EXOC2: variants seen among roughly 807,000 people sequenced by gnomAD.
EXOC2 encodes SEC5-like 1.
A neutral mutation model predicts 131.8 loss-of-function variants in EXOC2; 70 were observed. The ratio of observed to expected loss-of-function variants is 0.53; its 90% CI spans 0.44 to 0.65. The LOEUF is 0.65. EXOC2 is among the 30% of genes least tolerant of loss of function. The pLI, the probability that EXOC2 is intolerant of heterozygous loss-of-function variation, is 0.00. For missense variants in EXOC2, 923 were observed against 1,108.6 expected, an observed-to-expected ratio of 0.83 and a Z score of 2.38; for synonymous variants, 411 against 398.4, an observed-to-expected ratio of 1.03 and a Z score of -0.38.
intron 24 of EXOC2, among the ~76,000 whole-genome samples, chr6:499,341 T>C (rs1763907390): frequency 6.6e-6 from 1 of 152,106 alleles, no homozygotes; most frequent in African/African-American, 2.4e-5. Context: ...ATAAACATCC[T>C]TGCAATCTAT....
intron 22 of EXOC2, among the ~76,000 whole-genome samples, chr6:537,440 C>T (rs544965986): frequency 2.0e-4 from 30 of 150,290 alleles, no homozygotes; most frequent in African/African-American, 5.2e-4. Flanking sequence ...TGACGGCCGA[C>T]GGAGCGTACA....
At chr6:495,286 C>T (rs561739965) in intron 25 of EXOC2, among the ~76,000 whole-genome samples, 13 of 151,746 alleles carry the variant, frequency 8.6e-5, no homozygotes, top group Middle Eastern at 3.4e-3. Context: ...CCACCGCGCC[C>T]GGCTAATTTT....
At chr6:508,438 C>T (rs543505179) in intron 23 of EXOC2, among the ~76,000 whole-genome samples, 1 of 152,206 alleles carries the variant, frequency 6.6e-6, no homozygotes, top group South Asian at 2.1e-4. Flanking sequence ...CCCTAAAACT[C>T]CTCTGTGCTC....
intron 18 of EXOC2, 133 bp downstream of exon 18, chr6:556,351 C>T (rs1016792779): frequency 1.9e-5 from 17 of 915,396 alleles, no homozygotes; most frequent in South Asian, 4.8e-5. Context: ...AGCACATCTA[C>T]GCAGTTAAAC....
intron 8 of EXOC2, 27 bp downstream of exon 8, chr6:599,053 A>G: frequency 3.8e-6 from 6 of 1,588,314 alleles, no homozygotes; most frequent in South Asian, 1.2e-5. Context: ...CTACAACCAT[A>G]TGTAAATAAA....
At chr6:591,579 C>G (rs1274932330) in intron 11 of EXOC2, among the ~76,000 whole-genome samples, 1 of 152,088 alleles carries the variant, frequency 6.6e-6, no homozygotes, top group East Asian at 1.9e-4. Context: ...GAGGCTACTC[C>G]TAAGCACTCC....
At chr6:676,185 G>A (rs1764120039) in intron 1 of EXOC2, among the ~76,000 whole-genome samples, 1 of 68,858 alleles carries the variant, frequency 1.5e-5, no homozygotes, top group African/African-American at 4.5e-5. Flanking sequence ...TTCCTCTGGA[G>A]ACTGCGGTTC....
intron 1 of EXOC2, among the ~76,000 whole-genome samples, chr6:673,130 C>T (rs184504360): frequency 5.3e-5 from 8 of 151,526 alleles, no homozygotes; most frequent in Non-Finnish European, 1.0e-4. Flanking sequence ...GGCGTGGTGG[C>T]GGGCACCTGG....
At chr6:565,167 A>G (rs1757907623) in intron 13 of EXOC2, among the ~76,000 whole-genome samples, 1 of 152,246 alleles carries the variant, frequency 6.6e-6, no homozygotes. Context: ...AATGAATCCA[A>G]GAATTAAGTT....
At chr6:553,784 T>A in intron 21 of EXOC2, 70 bp downstream of exon 21, 1 of 1,250,594 alleles carries the variant, frequency 8.0e-7, no homozygotes, top group Non-Finnish European at 1.2e-6. Context: ...AGGAACACAG[T>A]CATTAGATTT....
intron 11 of EXOC2, among the ~76,000 whole-genome samples, chr6:578,829 T>C (rs1010144173): frequency 6.6e-6 from 1 of 152,196 alleles, no homozygotes; most frequent in African/African-American, 2.4e-5. Context: ...CTTTTTTTCA[T>C]ATAAAAATGT....
At chr6:536,421 G>A (rs1048032409) in intron 22 of EXOC2, among the ~76,000 whole-genome samples, 1 of 151,906 alleles carries the variant, frequency 6.6e-6, no homozygotes, top group Non-Finnish European at 1.5e-5. Context: ...AATCTCTAAT[G>A]GAAACTACAA....
At chr6:638,457 G>A (rs1309375130) in intron 1 of EXOC2, among the ~76,000 whole-genome samples, 2 of 152,198 alleles carry the variant, frequency 1.3e-5, no homozygotes, top group Non-Finnish European at 2.9e-5. Flanking sequence ...TGTAGTTTCT[G>A]AGACCAGGTA....
chr6:533,195 G>A (rs1766203928), intron 22 of EXOC2, among the ~76,000 whole-genome samples: 2 of 152,162 alleles, frequency 1.3e-5, no homozygotes, highest in Admixed American at 6.5e-5. Context: ...GATTTGGGTA[G>A]GGACAGAAAG....
In EXOC2 at chr6:534,499, T is replaced by C. The variant is rs1461194102; in HGVS notation, c.2239-1889A>G. Among the ~76,000 whole-genome samples, 5 of 152,040 alleles carry C rather than the reference T, an allele frequency of 3.3e-5. No individual in the cohort carries two copies. In the East Asian group the frequency reaches 9.6e-4, roughly 29 times the overall value. On this transcript the variant is annotated intron_variant, in intron 22 of 27. Coordinates refer to ENST00000230449, the MANE Select transcript of EXOC2 (RefSeq NM_018303.6). ...TCAAGCTTCTAGATCAAAACAATAA[T>C]TTACTTACAAAGAAGAAAGAACTGG... is the stretch of plus-strand genomic sequence containing the variant.
intron 22 of EXOC2, among the ~76,000 whole-genome samples, chr6:540,406 C>T (rs528334149): frequency 6.6e-6 from 1 of 152,354 alleles, no homozygotes; most frequent in East Asian, 1.9e-4. Context: ...AAGAACTTTA[C>T]TGCTACCACT....
chr6:577,323 G>A (rs1437349975), intron 11 of EXOC2, among the ~76,000 whole-genome samples: 5 of 152,080 alleles, frequency 3.3e-5, no homozygotes, highest in South Asian at 2.1e-4. Context: ...TCCCTATGGC[G>A]TTTCTTGATG....
At chr6:512,691 C>T (rs1443996164) in intron 23 of EXOC2, among the ~76,000 whole-genome samples, 2 of 152,170 alleles carry the variant, frequency 1.3e-5, no homozygotes, top group Non-Finnish European at 2.9e-5. Flanking sequence ...CGTGGTCTGA[C>T]CCATGCCCTG....
At chr6:559,747 CT>C (rs542451979) in intron 17 of EXOC2, among the ~76,000 whole-genome samples, 310 of 152,306 alleles carry the variant, frequency 2.0e-3, no homozygotes, top group Middle Eastern at 0.01. Flanking sequence ...GGTCTGGAGG[CT>C]TCCAGGGAAG....
Sources: gnomAD v4.1 joint callset for allele counts (sites outside exome capture counted in the v4.1 genomes callset) on GRCh38, gnomAD v4.1.1 for gene constraint, MANE v1.5 for transcripts, NCBI Gene and HGNC (gene_info 2026-07-23, HGNC 2026-07-21) for gene names.